Variants in TMEM163 observed in about 807,000 individuals in gnomAD.
The protein encoded by TMEM163 is transmembrane protein 163.
A neutral mutation model predicts 29.3 loss-of-function variants in TMEM163; 17 were observed. The observed-to-expected ratio is 0.58, with a 90% CI of 0.40 to 0.87. The LOEUF (loss-of-function observed/expected upper bound fraction) is 0.87. Among genes scored for constraint, TMEM163 ranks in the 40% least tolerant of loss-of-function variants. TMEM163 has a pLI of 0.00. For synonymous variants in TMEM163, 157 were observed against 160.6 expected, an observed-to-expected ratio of 0.98 and a Z score of 0.17; for missense variants, 303 against 381.5, an observed-to-expected ratio of 0.79 and a Z score of 1.71.
intron 2 of TMEM163, among the ~76,000 whole-genome samples, chr2:134,674,438 G>A (rs961169464): frequency 6.7e-6 from 1 of 148,644 alleles, no homozygotes; most frequent in Admixed American, 6.7e-5. Context: ...CCGCCTCCCG[G>A]GTTCAAGAGA....
intron 2 of TMEM163, among the ~76,000 whole-genome samples, chr2:134,687,465 A>G (rs566840579): frequency 5.3e-5 from 8 of 152,364 alleles, no homozygotes; most frequent in African/African-American, 1.4e-4. Context: ...TTTAATAACA[A>G]TGCACAATGA....
chr2:134,660,219 A>C (rs1683717546), intron 2 of TMEM163, among the ~76,000 whole-genome samples: 1 of 152,162 alleles, frequency 6.6e-6, no homozygotes, highest in Non-Finnish European at 1.5e-5. Context: ...ATGGAGAAAC[A>C]CCAGAGGGTT....
chr2:134,613,801 A>G (rs997149742), intron 2 of TMEM163, among the ~76,000 whole-genome samples: 2 of 152,198 alleles, frequency 1.3e-5, no homozygotes, highest in Non-Finnish European at 2.9e-5. Context: ...TGAGATCTAT[A>G]TGCTGAAAAT....
intron 1 of TMEM163, among the ~76,000 whole-genome samples, chr2:134,717,663 A>T (rs1685064535): frequency 6.6e-6 from 1 of 152,228 alleles, no homozygotes; most frequent in Non-Finnish European, 1.5e-5. Context: ...AAGGGGGTGG[A>T]GGTGCAAAAG....
At chr2:134,482,058 C>A (rs538152467) in intron 5 of TMEM163, among the ~76,000 whole-genome samples, 10 of 152,294 alleles carry the variant, frequency 6.6e-5, no homozygotes, top group African/African-American at 2.4e-4. Flanking sequence ...CTGATTAATT[C>A]TCATCTTCAA....
intron 2 of TMEM163, among the ~76,000 whole-genome samples, chr2:134,670,962 G>C (rs1683983233): frequency 6.6e-6 from 1 of 152,086 alleles, no homozygotes; most frequent in Non-Finnish European, 1.5e-5. Context: ...TCAGCTGCTG[G>C]GTCTTCACAG....
intron 4 of TMEM163, among the ~76,000 whole-genome samples, chr2:134,506,177 A>G (rs1334130866): frequency 1.3e-5 from 2 of 152,198 alleles, no homozygotes; most frequent in Non-Finnish European, 2.9e-5. Context: ...TTCTTCACCA[A>G]TATACCTATG....
rs544255728 is a variant in TMEM163, at chr2:134,636,848, TA to T, written c.322+76351del. Among the ~76,000 whole-genome samples the T allele has an allele frequency of 1.4e-4, 22 of 152,326 alleles. No individual in the cohort carries two copies. The South Asian group carries it at 4.4e-3, about 30-fold the overall frequency. ...GATCAGCTGGTACCATCCAAATCAA[TA>T]AACTGGCTCCTCTGGTCTTGTGGTC... On this transcript the variant is annotated intron_variant, in intron 2 of 7. Coordinates refer to ENST00000281924, the MANE Select transcript of TMEM163 (RefSeq NM_030923.5).
At chr2:134,691,230 C>T (rs188578602) in intron 2 of TMEM163, among the ~76,000 whole-genome samples, 39 of 152,320 alleles carry the variant, frequency 2.6e-4, no homozygotes, top group Non-Finnish European at 2.9e-5. Flanking sequence ...GCAAAGCCCC[C>T]TCTTCATCTC....
intron 5 of TMEM163, among the ~76,000 whole-genome samples, chr2:134,478,312 T>G (rs756361653): frequency 4.6e-5 from 7 of 151,960 alleles, no homozygotes; most frequent in Non-Finnish European, 8.8e-5. Flanking sequence ...TGGGCAGAGG[T>G]TGGAAGAATT....
chr2:134,493,540 A>T (rs1679476570), intron 5 of TMEM163, among the ~76,000 whole-genome samples: 1 of 150,866 alleles, frequency 6.6e-6, no homozygotes, highest in African/African-American at 2.4e-5. Flanking sequence ...TGCCCAGCTA[A>T]TTTTTTCATT....
At chr2:134,665,657 CCT>C (rs1342854857) in intron 2 of TMEM163, among the ~76,000 whole-genome samples, 1 of 152,146 alleles carries the variant, frequency 6.6e-6, no homozygotes, top group Non-Finnish European at 1.5e-5. Context: ...CCCACCACCC[CCT>C]TCACTTTAAC....
intron 4 of TMEM163, among the ~76,000 whole-genome samples, chr2:134,525,629 G>A (rs997040711): frequency 5.3e-5 from 8 of 152,198 alleles, no homozygotes; most frequent in African/African-American, 1.9e-4. Context: ...AAGGGGACAA[G>A]TTTACTATAG....
intron 4 of TMEM163, among the ~76,000 whole-genome samples, chr2:134,536,640 A>G (rs1252707998): frequency 1.3e-5 from 2 of 152,174 alleles, no homozygotes; most frequent in Non-Finnish European, 2.9e-5. Flanking sequence ...CGAAACCTCT[A>G]TCTCATAGGA....
chr2:134,550,670 A>C lies in TMEM163; in HGVS notation c.367-9T>G. 2 of 1,614,058 alleles carry C rather than the reference A, an allele frequency of 1.2e-6. No homozygotes were observed. The highest frequency in any genetic ancestry group is 1.7e-6 in the Non-Finnish European group (2 of 1,179,880). On this transcript the variant is annotated splice_polypyrimidine_tract_variant and intron_variant, in intron 3 of 7. Transcript: ENST00000281924. The stretch of plus-strand genomic sequence containing the variant: ...TCCAGGATGGCATCAAACTAGGAGA[A>C]GGAGACATGGCATTAGAGGCTTTCC...
intron 2 of TMEM163, among the ~76,000 whole-genome samples, chr2:134,692,338 A>G (rs1247587142): frequency 6.6e-6 from 1 of 152,230 alleles, no homozygotes; most frequent in Non-Finnish European, 1.5e-5. Context: ...TACAACAGCC[A>G]GAGAAAATGA....
At chr2:134,576,158 G>GAC (rs1054025211) in intron 2 of TMEM163, among the ~76,000 whole-genome samples, 64 of 152,290 alleles carry the variant, frequency 4.2e-4, no homozygotes, top group African/African-American at 1.5e-3. Context: ...GGTGGTGTGA[G>GAC]ACCAGGGGAT....
At chr2:134,527,689 T>C (rs1680327406) in intron 4 of TMEM163, among the ~76,000 whole-genome samples, 1 of 152,224 alleles carries the variant, frequency 6.6e-6, no homozygotes, top group Non-Finnish European at 1.5e-5. Flanking sequence ...ATTCCGGTCC[T>C]GGCTGAAACC....
intron 2 of TMEM163, among the ~76,000 whole-genome samples, chr2:134,554,695 C>T (rs1444167714): frequency 6.6e-6 from 1 of 152,158 alleles, no homozygotes. Context: ...AGGAGATGGC[C>T]ACTAAATGGT....
Sources: allele counts gnomAD v4.1 joint callset (sites outside exome capture counted in the v4.1 genomes callset), GRCh38; gene constraint gnomAD v4.1.1; transcripts MANE v1.5; gene names NCBI Gene and HGNC (gene_info 2026-07-23, HGNC 2026-07-21).